Variants in ZNF573 observed in about 807,000 individuals in gnomAD.
ZNF573 encodes zinc finger protein 573.
A neutral mutation model predicts 57.4 loss-of-function variants in ZNF573; 41 were observed. The ratio of observed to expected loss-of-function variants is 0.71; its 90% confidence interval spans 0.56 to 0.93. The LOEUF is 0.93. ZNF573 is among the 40% of genes least tolerant of loss of function. The probability of loss-of-function intolerance (pLI) is 0.00; values close to 1 mark genes in which losing one functional copy is unlikely to be tolerated. For missense variants in ZNF573, 730 were observed against 794.8 expected (o/e 0.92, Z 0.98); for synonymous variants, 249 against 261.0 (o/e 0.95, Z 0.44).
At chr19:37,770,832 T>TTTTATATATATA (rs1555745090) in intron 3 of ZNF573, among the ~76,000 whole-genome samples, 1 of 93,750 alleles carries the variant, frequency 1.1e-5, no homozygotes, top group Non-Finnish European at 1.8e-5. Context: ...TTAAGTTATT[T>TTTTATATATATA]TATATATATA....
At chr19:37,769,900 G>A in intron 4 of ZNF573, 105 bp downstream of exon 4, 4 of 929,890 alleles carry the variant, frequency 4.3e-6, no homozygotes, top group Non-Finnish European at 3.4e-6. Flanking sequence ...TGCTCCACAA[G>A]TCTGGGTGCC....
intron 1 of ZNF573, among the ~76,000 whole-genome samples, chr19:37,776,292 G>A (rs2045708434): frequency 1.3e-5 from 2 of 152,176 alleles, no homozygotes; most frequent in African/African-American, 4.8e-5. Flanking sequence ...CAGGCATGTA[G>A]ACCAATGGAA....
rs916999049 is a variant in ZNF573, at chr19:37,754,387, G to A, written c.296-14193C>T. On this transcript the variant is annotated intron_variant, in intron 4 of 4. Coordinates refer to ENST00000536220, the MANE Select transcript of ZNF573 (RefSeq NM_001172690.2). ...ATACAAAAATTAGCCGGGTGCAGTG[G>A]CAGGTGCCTATAATCCCAGCTACTA... 7.9e-5 allele frequency among the ~76,000 whole-genome samples: 12 copies of A among 152,032 alleles called. No individual in the cohort carries two copies. In the South Asian group the frequency reaches 8.3e-4, roughly 11 times the overall value.
At chr19:37,758,139 T>C (rs1024516409) in intron 4 of ZNF573, among the ~76,000 whole-genome samples, 10 of 144,214 alleles carry the variant, frequency 6.9e-5, no homozygotes, top group African/African-American at 2.3e-4. Context: ...ACATGGCACA[T>C]GTATACATAT....
At chr19:37,763,250 TTA>T (rs74437645) in intron 4 of ZNF573, among the ~76,000 whole-genome samples, 104,466 of 149,736 alleles carry the variant, frequency 0.7, 38,023 homozygotes, top group Non-Finnish European at 0.82. Context: ...ACAACTATAG[TTA>T]TATATATATA....
chr19:37,769,783 C>G (rs1033788130), intron 4 of ZNF573, among the ~76,000 whole-genome samples: 3 of 116,682 alleles, frequency 2.6e-5, no homozygotes, highest in African/African-American at 9.5e-5. Context: ...TCACTGAAAA[C>G]AGGTTTGAAA....
At chr19:37,740,804 T>G (rs1039992838) in intron 4 of ZNF573, 2 of 314,264 alleles carry the variant, frequency 6.4e-6, no homozygotes. Context: ...ACCGACGCCT[T>G]AAGTCCCTGA....
intron 4 of ZNF573, among the ~76,000 whole-genome samples, chr19:37,766,122 T>C (rs1282706344): frequency 1.3e-5 from 2 of 152,150 alleles, no homozygotes; most frequent in Non-Finnish European, 2.9e-5. Context: ...AAATAGTAGG[T>C]GATGTAAAAA....
intron 4 of ZNF573, among the ~76,000 whole-genome samples, chr19:37,766,610 G>A (rs1834855587): frequency 6.6e-6 from 1 of 152,038 alleles, no homozygotes; most frequent in South Asian, 2.1e-4. Context: ...TCAAGTCCCC[G>A]CATGAAGACC....
intron 4 of ZNF573, among the ~76,000 whole-genome samples, chr19:37,745,933 A>T (rs2045378220): frequency 6.6e-6 from 1 of 152,232 alleles, no homozygotes; most frequent in Admixed American, 6.5e-5. Context: ...CTTCATAGAT[A>T]CAATTCAAAT....
At chr19:37,775,462 T>C (rs73041006) in intron 1 of ZNF573, among the ~76,000 whole-genome samples, 43,904 of 152,030 alleles carry the variant, frequency 0.29, 7,505 homozygotes, top group Non-Finnish European at 0.39. Flanking sequence ...CCACATGAAT[T>C]CCCAAGGCAC....
chr19:37,745,407 G>C (rs2045372296), intron 4 of ZNF573, among the ~76,000 whole-genome samples: 1 of 151,432 alleles, frequency 6.6e-6, no homozygotes, highest in Admixed American at 6.6e-5. Context: ...TTTGGGGGGT[G>C]GGGGTGGTAG....
rs765702431 is a variant in ZNF573 at position 37,739,951 on chromosome 19, T to A, written c.539A>T (p.His180Leu). 1.2e-6 allele frequency: 2 copies of A among 1,614,224 alleles called. No homozygotes were observed. The highest frequency in any genetic ancestry group is 3.3e-5 in the Admixed American group (2 of 60,028). Reference protein sequence around the residue: ...NFRSGYQLTLHQRFHTGEKPY... With the variant: ...NFRSGYQLTLLQRFHTGEKPY... ...TTTCTCACCAGTATGAAATCTTTGA[T>A]GTAGAGTAAGTTGATAGCCACTACG... The change falls in exon 5 of 5, where the codon CAT becomes CTT. Residue 180 changes from histidine (H) to leucine (L), a missense_variant. His to Leu is a moderately conservative substitution (Grantham distance 99, BLOSUM62 -3). Transcript: ENST00000536220.
intron 4 of ZNF573, among the ~76,000 whole-genome samples, chr19:37,762,406 T>C (rs569207239): frequency 2.6e-5 from 4 of 152,336 alleles, no homozygotes; most frequent in Admixed American, 6.5e-5. Flanking sequence ...TCTTAGAGAA[T>C]TGTGAAATCA....
rs116006841 is a variant in ZNF573 at position 37,756,519 on chromosome 19, T to C, written c.295+13486A>G. On this transcript the variant is annotated intron_variant, in intron 4 of 4. Coordinates refer to ENST00000536220, the MANE Select transcript of ZNF573 (RefSeq NM_001172690.2). Reference sequence around the variant, plus strand: ...GTGCTGTCTTATGGGAAGAATGTTATATCACTAGAGGTCTCTGTGGAATCT... The same window carrying C: ...GTGCTGTCTTATGGGAAGAATGTTACATCACTAGAGGTCTCTGTGGAATCT... 3.4e-3 allele frequency among the ~76,000 whole-genome samples: 518 copies of C among 152,298 alleles called. 4 individuals carry two copies. Among genetic ancestry groups the C allele is most frequent in the African/African-American group, 0.012 (500 of 41,574 alleles).
chr19:37,765,200 G>C (rs1447992055), intron 4 of ZNF573, among the ~76,000 whole-genome samples: 1 of 151,932 alleles, frequency 6.6e-6, no homozygotes, highest in African/African-American at 2.4e-5. Flanking sequence ...GTCACTTACA[G>C]ATTTTTCTAT....
chr19:37,769,246 G>T (rs1295756443), intron 4 of ZNF573, among the ~76,000 whole-genome samples: 1 of 151,592 alleles, frequency 6.6e-6, no homozygotes, highest in Non-Finnish European at 1.5e-5. Context: ...GGGATTACAG[G>T]CATGAGCCAC....
At chr19:37,764,945 G>A (rs1454883626) in intron 4 of ZNF573, among the ~76,000 whole-genome samples, 1 of 126,226 alleles carries the variant, frequency 7.9e-6, no homozygotes, top group African/African-American at 3.1e-5. Flanking sequence ...CACTCTTGTC[G>A]CCTAGGCTGG....
intron 1 of ZNF573, 54 bp from the exon 2 acceptor site, chr19:37,773,805 T>A: frequency 9.1e-7 from 1 of 1,093,122 alleles, no homozygotes; most frequent in Non-Finnish European, 1.3e-6. Flanking sequence ...TTTAATAAAA[T>A]CTTTCTGCTC....
Sources: gnomAD v4.1 joint callset for allele counts (sites outside exome capture counted in the v4.1 genomes callset) on GRCh38, gnomAD v4.1.1 for gene constraint, MANE v1.5 for transcripts, NCBI Gene and HGNC (gene_info 2026-07-23, HGNC 2026-07-21) for gene names.